The following MBD5 variants were observed in gnomAD, a reference collection of about 807,000 sequenced individuals.
MBD5 encodes methyl-CpG-binding domain protein 5.
In MBD5, 13 loss-of-function variants were observed where a neutral mutation model predicts 117.3. That is an observed-to-expected ratio of 0.11 (90% CI 0.07 to 0.18). The LOEUF (loss-of-function observed/expected upper bound fraction) is 0.18. MBD5 is among the 10% of genes least tolerant of loss of function. The pLI is 1.00. For synonymous variants in MBD5, 727 were observed against 766.4 expected (o/e 0.95, Z 0.85); for missense variants, 1,879 against 2,093.8 (o/e 0.90, Z 2.00).
intron 1 of MBD5, among the ~76,000 whole-genome samples, chr2:148,058,666 C>G (rs1694941519): frequency 6.6e-6 from 1 of 152,004 alleles, no homozygotes; most frequent in South Asian, 2.1e-4. Context: ...ATTCTATCTC[C>G]TAACATATTT....
At position 148,326,998 on chromosome 2, in the gene MBD5, T is replaced by C. The variant is rs1467782290; in HGVS notation, c.-679-15216T>C. Reference sequence around the variant, plus strand: ...ACCGGTTGTTCCTTTCCATGTTTAGTGCTTCCTTCAGGAGCTCTTTTAGGG... The same window carrying C: ...ACCGGTTGTTCCTTTCCATGTTTAGCGCTTCCTTCAGGAGCTCTTTTAGGG... On this transcript the variant is annotated intron_variant, in intron 3 of 13. Transcript: ENST00000642680. Among the ~76,000 whole-genome samples the C allele has an allele frequency of 2.0e-5, 3 of 152,040 alleles. 1 individual carries two copies. Among genetic ancestry groups the C allele is most frequent in the South Asian group, 4.2e-4 (2 of 4,804 alleles).
At chr2:148,314,792 T>G (rs1702120597) in intron 3 of MBD5, among the ~76,000 whole-genome samples, 1 of 152,188 alleles carries the variant, frequency 6.6e-6, no homozygotes, top group South Asian at 2.1e-4. Flanking sequence ...TATCTCTTAC[T>G]CAACATAGCA....
chr2:148,106,947 T>G (rs1190738902), intron 1 of MBD5, among the ~76,000 whole-genome samples: 1 of 152,090 alleles, frequency 6.6e-6, no homozygotes, highest in Non-Finnish European at 1.5e-5. Context: ...TCATATTTTT[T>G]CTTGTCATTC....
At chr2:148,321,580 C>G (rs934605199) in intron 3 of MBD5, among the ~76,000 whole-genome samples, 2 of 152,134 alleles carry the variant, frequency 1.3e-5, no homozygotes, top group African/African-American at 4.8e-5. Flanking sequence ...CTAGACTAAC[C>G]TTCAAGATAC....
intron 3 of MBD5, among the ~76,000 whole-genome samples, chr2:148,335,489 C>G (rs781593423): frequency 2.6e-5 from 4 of 152,114 alleles, no homozygotes; most frequent in Non-Finnish European, 5.9e-5. Context: ...GAGGCGGAGG[C>G]AGGAGGATGG....
rs16828708 is a variant in MBD5 at position 148,513,141 on chromosome 2, A to C, written c.*200A>C. 2 of 587,514 alleles carry C rather than the reference A, an allele frequency of 3.4e-6. No homozygotes were observed. Among genetic ancestry groups the C allele is most frequent in the African/African-American group, 3.7e-5 (2 of 53,526 alleles). The allele number at this position is 587,514 out of a possible 1,614,324, so 36.4% of individuals were successfully genotyped here. ...TAATGAATGCTGGAAAAGCCAATCA[A>C]AGTCTCTGTGTGATGAGAGTGATCA... On this transcript the variant is annotated 3_prime_UTR_variant, in exon 14 of 14. Transcript: ENST00000642680.
At chr2:148,382,105 A>G (rs564326257) in intron 4 of MBD5, among the ~76,000 whole-genome samples, 2 of 152,298 alleles carry the variant, frequency 1.3e-5, no homozygotes, top group Non-Finnish European at 2.9e-5. Flanking sequence ...TTCGCACATA[A>G]CAATACTAAC....
At chr2:148,450,184 A>G (rs1284140940) in intron 4 of MBD5, among the ~76,000 whole-genome samples, 1 of 152,094 alleles carries the variant, frequency 6.6e-6, no homozygotes, top group Non-Finnish European at 1.5e-5. Context: ...ATCTACATTA[A>G]CTAACTTTTT....
At chr2:148,280,586 C>G (rs1441554952) in intron 3 of MBD5, among the ~76,000 whole-genome samples, 1 of 152,116 alleles carries the variant, frequency 6.6e-6, no homozygotes, top group East Asian at 1.9e-4. Flanking sequence ...TGTGCGCTCC[C>G]TGCCCAGCTT....
intron 1 of MBD5, among the ~76,000 whole-genome samples, chr2:148,098,876 C>A (rs1321325405): frequency 6.6e-6 from 1 of 151,854 alleles, no homozygotes; most frequent in Non-Finnish European, 1.5e-5. Flanking sequence ...CATGGCGAGA[C>A]CCTGTCTCTA....
intron 4 of MBD5, among the ~76,000 whole-genome samples, chr2:148,445,790 C>T (rs1194036673): frequency 7.3e-5 from 11 of 151,330 alleles, no homozygotes; most frequent in Non-Finnish European, 1.3e-4. Flanking sequence ...ACATCCTCTC[C>T]AGCACCTGTT....
At chr2:148,338,514 A>T (rs1702854461) in intron 3 of MBD5, among the ~76,000 whole-genome samples, 1 of 152,230 alleles carries the variant, frequency 6.6e-6, no homozygotes. Flanking sequence ...AGACCGTATA[A>T]AGTGCAGAAG....
At chr2:148,083,579 T>C (rs548527792) in intron 1 of MBD5, among the ~76,000 whole-genome samples, 44 of 152,254 alleles carry the variant, frequency 2.9e-4, no homozygotes, top group Admixed American at 2.7e-3. Context: ...AGGTCCTATA[T>C]TACACCCTGT....
intron 3 of MBD5, among the ~76,000 whole-genome samples, chr2:148,301,422 A>C (rs542287579): frequency 2.4e-4 from 36 of 152,320 alleles, no homozygotes; most frequent in African/African-American, 8.4e-4. Flanking sequence ...TTACCTCCTC[A>C]GAAGAAATAA....
intron 2 of MBD5, among the ~76,000 whole-genome samples, chr2:148,185,450 A>T (rs1698631220): frequency 6.6e-6 from 1 of 152,222 alleles, no homozygotes; most frequent in African/African-American, 2.4e-5. Context: ...TGACCCAGAG[A>T]TTACATTTCT....
intron 3 of MBD5, among the ~76,000 whole-genome samples, chr2:148,278,432 C>A (rs1249893024): frequency 6.6e-6 from 1 of 151,998 alleles, no homozygotes; most frequent in East Asian, 1.9e-4. Context: ...TCCTTATTAT[C>A]CATCAGGTTT....
intron 8 of MBD5, among the ~76,000 whole-genome samples, chr2:148,474,489 T>G (rs1041211020): frequency 6.6e-6 from 1 of 152,118 alleles, no homozygotes; most frequent in African/African-American, 2.4e-5. Context: ...CAACATAACT[T>G]TTTTCACTTT....
At chr2:148,105,858 A>G (rs955602845) in intron 1 of MBD5, among the ~76,000 whole-genome samples, 2 of 152,132 alleles carry the variant, frequency 1.3e-5, no homozygotes, top group African/African-American at 4.8e-5. Context: ...GCTATATACA[A>G]CAAAATTGTA....
intron 3 of MBD5, among the ~76,000 whole-genome samples, chr2:148,330,033 A>ACCCCCCCCCCCCCCCCCCC (rs56712549): frequency 5.7e-4 from 10 of 17,686 alleles, no homozygotes; most frequent in Non-Finnish European, 8.5e-4. Flanking sequence ...GTAGGTAAGA[A>ACCCCCCCCCCCCCCCCCCC]CCCCCCCCCG....
Sources: gnomAD v4.1 joint callset for allele counts (sites outside exome capture counted in the v4.1 genomes callset) on GRCh38, gnomAD v4.1.1 for gene constraint, MANE v1.5 for transcripts, NCBI Gene and HGNC (gene_info 2026-07-23, HGNC 2026-07-21) for gene names.